VTA1: variants seen among roughly 807,000 people sequenced by gnomAD.
VTA1 encodes vesicle trafficking 1.
VTA1 carries 24 observed loss-of-function variants against 36.9 expected under a neutral mutation model. That is an observed-to-expected ratio of 0.65 (90% CI 0.47 to 0.91). The LOEUF is 0.91. VTA1 is among the 40% of genes least tolerant of loss of function. VTA1 has a pLI of 0.00. For missense variants in VTA1, 393 were observed against 377.2 expected (o/e 1.04, Z -0.35); for synonymous variants, 142 against 130.2 (o/e 1.09, Z -0.62).
chr6:142,201,467 GTTTGCT>G (rs2114676473), intron 6 of VTA1, among the ~76,000 whole-genome samples: 1 of 152,038 alleles, frequency 6.6e-6, no homozygotes, highest in Admixed American at 6.5e-5. Context: ...CAGGCGAAGT[GTTTGCT>G]TCTTGTGCTT....
intron 4 of VTA1, among the ~76,000 whole-genome samples, chr6:142,181,011 A>T (rs1775216084): frequency 6.8e-6 from 1 of 146,446 alleles, no homozygotes; most frequent in South Asian, 2.2e-4. Flanking sequence ...AGATTGTCCT[A>T]GATTTTGGAA....
Position 142,170,136 on chromosome 6 carries a change from G to A in VTA1, c.336-210G>A, listed in dbSNP as rs41289833. On this transcript the variant is annotated intron_variant, in intron 3 of 7. Coordinates refer to ENST00000367630, the MANE Select transcript of VTA1 (RefSeq NM_016485.5). Reference sequence around the variant, plus strand: ...AACATACAAAAAATCTTGACGTAGCGCATTTACTTGTAATGTGAGTCTTGT... The same window carrying A: ...AACATACAAAAAATCTTGACGTAGCACATTTACTTGTAATGTGAGTCTTGT... Among the ~76,000 whole-genome samples the A allele has an allele frequency of 3.8e-4, 58 of 152,150 alleles. No individual in the cohort carries two copies. The South Asian group carries it at 6.4e-3, about 17-fold the overall frequency.
Position 142,159,165 on chromosome 6 carries a change from G to A in VTA1, c.113-7063G>A, listed in dbSNP as rs1356022800. Among the ~76,000 whole-genome samples the A allele has an allele frequency of 2.6e-5, 4 of 152,144 alleles. No individual in the cohort carries two copies. In the East Asian group the frequency reaches 7.8e-4, roughly 30 times the overall value. On this transcript the variant is annotated intron_variant, in intron 1 of 7. Transcript: ENST00000367630. ...ACATGAGCTCAGGAGTTGGAGACCA[G>A]CCTAGGCAACATGGTGAAACCCTGT...
intron 5 of VTA1, among the ~76,000 whole-genome samples, chr6:142,193,080 A>T (rs937834825): frequency 6.6e-6 from 1 of 152,070 alleles, no homozygotes; most frequent in Non-Finnish European, 1.5e-5. Context: ...TCTGGGTGCC[A>T]TATCTCTTCA....
intron 7 of VTA1, among the ~76,000 whole-genome samples, chr6:142,209,800 G>T (rs376840395): frequency 7.9e-5 from 12 of 151,930 alleles, no homozygotes; most frequent in African/African-American, 2.4e-4. Context: ...TGGATTGGAA[G>T]AATTAATATT....
chr6:142,160,323 G>A (rs898105039), intron 1 of VTA1, among the ~76,000 whole-genome samples: 1 of 152,084 alleles, frequency 6.6e-6, no homozygotes, highest in East Asian at 1.9e-4. Context: ...GCTTGAATGC[G>A]TTCTAACCCT....
chr6:142,207,391 C>T (rs535845868), intron 7 of VTA1, among the ~76,000 whole-genome samples: 15 of 152,064 alleles, frequency 9.9e-5, no homozygotes, highest in Non-Finnish European at 2.1e-4. Flanking sequence ...TATTCCCAGC[C>T]CCAGAAACTT....
intron 6 of VTA1, among the ~76,000 whole-genome samples, chr6:142,202,517 T>G (rs751058412): frequency 2.0e-5 from 3 of 152,014 alleles, no homozygotes; most frequent in Non-Finnish European, 2.9e-5. Flanking sequence ...GACAGATTTA[T>G]ACGTATTAAT....
At chr6:142,198,290 AT>A in intron 5 of VTA1, 148 bp from the exon 6 acceptor site, 1 of 596,026 alleles carries the variant, frequency 1.7e-6, no homozygotes, top group Non-Finnish European at 2.6e-6. Context: ...AATTAAAAAT[AT>A]TGTTTTAAGA....
chr6:142,189,911 C>T (rs564355721), intron 5 of VTA1, among the ~76,000 whole-genome samples: 48 of 152,270 alleles, frequency 3.2e-4, no homozygotes, highest in African/African-American at 7.9e-4. Context: ...CGCCTGCCAC[C>T]ACGCCTGGCT....
At chr6:142,190,972 A>G (rs1775444751) in intron 5 of VTA1, among the ~76,000 whole-genome samples, 1 of 152,184 alleles carries the variant, frequency 6.6e-6, no homozygotes, top group Admixed American at 6.5e-5. Flanking sequence ...AATGAATTAT[A>G]TTGAAAGATT....
intron 5 of VTA1, among the ~76,000 whole-genome samples, chr6:142,197,021 T>C (rs188354811): frequency 6.6e-6 from 1 of 152,186 alleles, no homozygotes; most frequent in Admixed American, 6.5e-5. Flanking sequence ...CAACTTTCTT[T>C]TATGTAGACT....
At chr6:142,194,422 T>C (rs1266552076) in intron 5 of VTA1, among the ~76,000 whole-genome samples, 1 of 152,182 alleles carries the variant, frequency 6.6e-6, no homozygotes, top group African/African-American at 2.4e-5. Context: ...TTAAGTTTTC[T>C]GTAATTTCTT....
intron 6 of VTA1, among the ~76,000 whole-genome samples, chr6:142,202,454 T>G (rs763645913): frequency 6.4e-4 from 97 of 151,986 alleles, no homozygotes; most frequent in Non-Finnish European, 1.1e-3. Context: ...TGGATTGCTT[T>G]ATAAGCTATG....
chr6:142,168,797 C>T (rs551790174), intron 2 of VTA1, among the ~76,000 whole-genome samples: 5 of 148,886 alleles, frequency 3.4e-5, no homozygotes, highest in African/African-American at 7.4e-5. Flanking sequence ...GACAGAGTCT[C>T]GCTCATTCGC....
At chr6:142,180,718 C>G (rs113832804) in intron 4 of VTA1, among the ~76,000 whole-genome samples, 1 of 152,142 alleles carries the variant, frequency 6.6e-6, no homozygotes, top group South Asian at 2.1e-4. Flanking sequence ...CATGTGCATC[C>G]TAATAAGATG....
At chr6:142,211,790 G>T (rs1474705304) in intron 7 of VTA1, among the ~76,000 whole-genome samples, 1 of 151,256 alleles carries the variant, frequency 6.6e-6, no homozygotes, top group Non-Finnish European at 1.5e-5. Context: ...ATTAAGGACT[G>T]TTAACAAAAT....
intron 1 of VTA1, among the ~76,000 whole-genome samples, chr6:142,164,572 C>T (rs916086122): frequency 2.0e-5 from 3 of 152,034 alleles, no homozygotes; most frequent in African/African-American, 4.8e-5. Flanking sequence ...GTAACTGTTT[C>T]GTGTGTATAT....
intron 1 of VTA1, among the ~76,000 whole-genome samples, chr6:142,156,524 T>C (rs1205068847): frequency 3.9e-5 from 6 of 152,242 alleles, no homozygotes; most frequent in Non-Finnish European, 8.8e-5. Context: ...ATTTTGATTC[T>C]GCCAGGTTTG....
Sources: allele counts gnomAD v4.1 joint callset (sites outside exome capture counted in the v4.1 genomes callset), GRCh38; gene constraint gnomAD v4.1.1; transcripts MANE v1.5; gene names NCBI Gene and HGNC (gene_info 2026-07-23, HGNC 2026-07-21).